Variants in AFAP1 observed in about 807,000 individuals in gnomAD.
The protein encoded by AFAP1 is actin filament-associated protein 1.
AFAP1 carries 75 observed loss-of-function variants against 93.9 expected under a neutral mutation model. The observed-to-expected ratio is 0.80, with a 90% CI of 0.66 to 0.97. AFAP1 has a LOEUF of 0.97. Among genes scored for constraint, AFAP1 ranks in the 50% least tolerant of loss-of-function variants. The pLI is 0.00. For missense variants in AFAP1, 1,201 were observed against 1,050.8 expected, an observed-to-expected ratio of 1.14 and a Z score of -1.98; for synonymous variants, 517 against 430.7, an observed-to-expected ratio of 1.20 and a Z score of -2.48.
At position 7,865,296 on chromosome 4, in the gene AFAP1, A is replaced by T. The variant is rs114321881; in HGVS notation, c.225+3326T>A. Among the ~76,000 whole-genome samples, 886 of 152,290 alleles carry T rather than the reference A, an allele frequency of 5.8e-3. 7 individuals are homozygous for T. Among genetic ancestry groups the T allele is most frequent in the African/African-American group, 0.019 (779 of 41,560 alleles). On this transcript the variant is annotated intron_variant, in intron 3 of 17. Transcript: ENST00000420658. ...TCATGCATTAAGCACCAGGAGGGAG[A>T]AATTACCCACTGGCAAACTGTCACT... is the stretch of plus-strand genomic sequence containing the variant.
intron 3 of AFAP1, among the ~76,000 whole-genome samples, chr4:7,859,147 G>A (rs34909423): frequency 0.12 from 18,204 of 152,242 alleles, 1,351 homozygotes; most frequent in Non-Finnish European, 0.17. Context: ...TGGGTTGGGC[G>A]CGGTGGCTCA....
At chr4:7,927,288 G>A (rs571597211) in intron 1 of AFAP1, among the ~76,000 whole-genome samples, 1 of 152,298 alleles carries the variant, frequency 6.6e-6, no homozygotes, top group East Asian at 1.9e-4. Flanking sequence ...TATGATAACA[G>A]CTAAGAGCTC....
chr4:7,897,444 C>G (rs762299991), intron 1 of AFAP1, among the ~76,000 whole-genome samples: 16 of 152,272 alleles, frequency 1.1e-4, no homozygotes, highest in Middle Eastern at 3.4e-3. Flanking sequence ...ATCCGCTAAT[C>G]CTATCTTGGG....
chr4:7,885,875 G>T (rs913875022), intron 1 of AFAP1, among the ~76,000 whole-genome samples: 1 of 152,200 alleles, frequency 6.6e-6, no homozygotes, highest in Non-Finnish European at 1.5e-5. Context: ...CTCTGTGTGA[G>T]AATACTCGGT....
At chr4:7,887,316 G>C (rs977752564) in intron 1 of AFAP1, among the ~76,000 whole-genome samples, 1 of 152,060 alleles carries the variant, frequency 6.6e-6, no homozygotes, top group African/African-American at 2.4e-5. Context: ...CTAAGTGTGG[G>C]GTACCCAATA....
intron 17 of AFAP1, among the ~76,000 whole-genome samples, chr4:7,765,061 G>A (rs185777624): frequency 2.0e-4 from 31 of 152,234 alleles, no homozygotes; most frequent in Admixed American, 1.2e-3. Flanking sequence ...AGCCATGATC[G>A]CCACTGCACT....
At chr4:7,778,400 T>G (rs1716376553) in intron 14 of AFAP1, 1 of 351,704 alleles carries the variant, frequency 2.8e-6, no homozygotes, top group Non-Finnish European at 5.4e-6. Flanking sequence ...ATGCTGAGTT[T>G]AGAGTCTGCA....
intron 6 of AFAP1, among the ~76,000 whole-genome samples, chr4:7,832,438 A>C (rs1192877773): frequency 6.6e-6 from 1 of 152,106 alleles, no homozygotes; most frequent in African/African-American, 2.4e-5. Context: ...GATGACAGCG[A>C]AAGAGACTGA....
intron 10 of AFAP1, among the ~76,000 whole-genome samples, chr4:7,799,459 T>G (rs546794879): frequency 3.9e-5 from 6 of 152,312 alleles, no homozygotes; most frequent in African/African-American, 1.4e-4. Flanking sequence ...CACTCTCTCC[T>G]CTGCCGATGA....
intron 1 of AFAP1, among the ~76,000 whole-genome samples, chr4:7,881,780 C>CA (rs35520560): frequency 0.028 from 3,871 of 140,398 alleles, 130 homozygotes; most frequent in African/African-American, 0.082. Flanking sequence ...GACTCCATCT[C>CA]AAAAAAAAAA....
intron 10 of AFAP1, chr4:7,799,055 C>G (rs1188942103): frequency 1.0e-6 from 1 of 985,938 alleles, no homozygotes; most frequent in Non-Finnish European, 1.2e-6. Context: ...TTTCAGCCTA[C>G]ATAAATGTTT....
rs557258353 is a variant in AFAP1, at chr4:7,763,811, T to A, written c.2419-20A>T. 41 of 1,551,450 alleles carry A rather than the reference T, an allele frequency of 2.6e-5. No individual in the cohort carries two copies. In the African/African-American group the frequency reaches 4.9e-4, roughly 19 times the overall value. Reference sequence around the variant, plus strand: ...CCATTCCTAGAGGAAAGGAGAGTCTTGTAAGTGGACAGGGCAAGAGGATCA... The same window carrying A: ...CCATTCCTAGAGGAAAGGAGAGTCTAGTAAGTGGACAGGGCAAGAGGATCA... On this transcript the variant is annotated intron_variant, in intron 17 of 17. Transcript: ENST00000420658.
At chr4:7,923,486 T>C (rs906950408) in intron 1 of AFAP1, among the ~76,000 whole-genome samples, 1 of 152,132 alleles carries the variant, frequency 6.6e-6, no homozygotes, top group Non-Finnish European at 1.5e-5. Flanking sequence ...TTTCTCCTCT[T>C]CTTTTTTATT....
At chr4:7,872,518 C>G (rs1717136848) in intron 1 of AFAP1, among the ~76,000 whole-genome samples, 1 of 152,236 alleles carries the variant, frequency 6.6e-6, no homozygotes, top group African/African-American at 2.4e-5. Flanking sequence ...GGCTCCAGCC[C>G]AGGACAACTG....
At position 7,763,637 on chromosome 4, in the gene AFAP1, G is replaced by T; in HGVS notation, c.*128C>A. ...CTGGGGGACAGGCACTGGCCTCAGA[G>T]CTCAGTCGTGGAGCCTCTGGAGTCG... On this transcript the variant is annotated 3_prime_UTR_variant, in exon 18 of 18. Coordinates refer to ENST00000420658, the MANE Select transcript of AFAP1 (RefSeq NM_001134647.2). The T allele has an allele frequency of 1.8e-6, 2 of 1,107,532 alleles. No homozygotes were observed. Among genetic ancestry groups the T allele is most frequent in the South Asian group, 1.5e-5 (1 of 67,250 alleles). 68.6% of individuals were successfully genotyped at this position (1,107,532 alleles called of 1,614,324 possible). A position where few individuals can be genotyped will look rare whatever the true frequency, so the allele number is the denominator to read the frequency against.
chr4:7,844,005 C>A (rs1441605747), intron 4 of AFAP1, among the ~76,000 whole-genome samples: 1 of 152,152 alleles, frequency 6.6e-6, no homozygotes, highest in African/African-American at 2.4e-5. Flanking sequence ...ATGTGCCACG[C>A]CCTCTAACAA....
intron 1 of AFAP1, among the ~76,000 whole-genome samples, chr4:7,922,320 G>C (rs563930856): frequency 7.2e-5 from 11 of 152,250 alleles, no homozygotes; most frequent in African/African-American, 2.6e-4. Flanking sequence ...GTAATTAAAG[G>C]ACAAAAAACA....
At chr4:7,895,250 T>C (rs931234715) in intron 1 of AFAP1, among the ~76,000 whole-genome samples, 1 of 152,222 alleles carries the variant, frequency 6.6e-6, no homozygotes, top group African/African-American at 2.4e-5. Flanking sequence ...ACCTCACCTC[T>C]AAAAACGAGG....
intron 1 of AFAP1, among the ~76,000 whole-genome samples, chr4:7,908,138 G>C (rs1373334299): frequency 1.3e-5 from 2 of 150,638 alleles, no homozygotes; most frequent in Non-Finnish European, 1.5e-5. Flanking sequence ...CTTGAACCTG[G>C]GGGGAGCACG....
Sources: allele counts gnomAD v4.1 joint callset (sites outside exome capture counted in the v4.1 genomes callset), GRCh38; gene constraint gnomAD v4.1.1; transcripts MANE v1.5; gene names NCBI Gene and HGNC (gene_info 2026-07-23, HGNC 2026-07-21).